FGF14: variants seen among roughly 807,000 people sequenced by gnomAD.
FGF14 encodes fibroblast growth factor 14, also known as fibroblast growth factor homologous factor 4.
In FGF14, 5 loss-of-function variants were observed where a neutral mutation model predicts 25.5. The observed-to-expected ratio is 0.20, with a 90% CI of 0.10 to 0.41. The LOEUF (loss-of-function observed/expected upper bound fraction) is 0.41, where lower values mean the gene tolerates loss of function less well. FGF14 is among the 10% of genes least tolerant of loss of function. The pLI, the probability that FGF14 is intolerant of heterozygous loss-of-function variation, is 1.00. For synonymous variants in FGF14, 138 were observed against 118.3 expected (o/e 1.17, Z -1.08); for missense variants, 222 against 320.1 (o/e 0.69, Z 2.34).
intron 1 of FGF14, among the ~76,000 whole-genome samples, chr13:102,277,564 G>A (rs923640865): frequency 1.3e-5 from 2 of 152,166 alleles, no homozygotes; most frequent in Non-Finnish European, 2.9e-5. Flanking sequence ...CAGGCAGATC[G>A]GGAGGCCAGC....
At chr13:102,040,773 G>T (rs1350664540) in intron 1 of FGF14, among the ~76,000 whole-genome samples, 4 of 152,094 alleles carry the variant, frequency 2.6e-5, no homozygotes, top group Non-Finnish European at 4.4e-5. Flanking sequence ...ATCAATTTGG[G>T]GGTACCTGGG....
intron 1 of FGF14, among the ~76,000 whole-genome samples, chr13:102,398,890 A>AAT (rs1359337159): frequency 8.3e-4 from 119 of 143,170 alleles, no homozygotes; most frequent in African/African-American, 2.9e-3. Context: ...ATATATGTAT[A>AAT]ATATATAATA....
In FGF14 at chr13:101,815,306, G is replaced by A. The variant is rs995477741; in HGVS notation, c.408+53419C>T. On this transcript the variant is annotated intron_variant, in intron 3 of 4. Coordinates refer to ENST00000376143, the MANE Select transcript of FGF14 (RefSeq NM_004115.4). Reference sequence around the variant, plus strand: ...ATGACAGGCAGAGGAGGAAAGGCATGAAAGAGGTAATGTTAAGATGAAAGG... The same window carrying A: ...ATGACAGGCAGAGGAGGAAAGGCATAAAAGAGGTAATGTTAAGATGAAAGG... Among the ~76,000 whole-genome samples the A allele has an allele frequency of 4.6e-5, 7 of 152,138 alleles. 1 individual carries two copies. The highest frequency in any genetic ancestry group is 8.8e-5 in the Non-Finnish European group (6 of 68,014).
chr13:101,989,442 C>T (rs981567195), intron 1 of FGF14, among the ~76,000 whole-genome samples: 1 of 152,018 alleles, frequency 6.6e-6, no homozygotes, highest in Non-Finnish European at 1.5e-5. Flanking sequence ...TTGTTTCCTA[C>T]ATTATAACGT....
intron 3 of FGF14, among the ~76,000 whole-genome samples, chr13:101,820,787 CACACACACACACACACACA>C (rs1471797217): frequency 4.0e-5 from 1 of 25,152 alleles, no homozygotes; most frequent in Non-Finnish European, 1.1e-4. Context: ...ACCACACACA[CACACACACACACACACACA>C]ACACACACAC....
intron 1 of FGF14, among the ~76,000 whole-genome samples, chr13:101,903,898 G>A (rs1199485862): frequency 6.6e-6 from 1 of 152,182 alleles, no homozygotes; most frequent in African/African-American, 2.4e-5. Flanking sequence ...GTGCAATTTT[G>A]TTACAGGCAT....
intron 3 of FGF14, among the ~76,000 whole-genome samples, chr13:101,855,059 C>T (rs1253450614): frequency 1.3e-5 from 2 of 152,006 alleles, no homozygotes; most frequent in East Asian, 1.9e-4. Context: ...AATGCACACA[C>T]ACACACAACA....
intron 1 of FGF14, among the ~76,000 whole-genome samples, chr13:102,013,915 G>A (rs2040208358): frequency 6.6e-6 from 1 of 152,124 alleles, no homozygotes. Context: ...TAGAGCAGAC[G>A]TCTTCCAATA....
At chr13:102,017,672 A>C (rs1410194372) in intron 1 of FGF14, among the ~76,000 whole-genome samples, 1 of 152,070 alleles carries the variant, frequency 6.6e-6, no homozygotes, top group Non-Finnish European at 1.5e-5. Flanking sequence ...AGTTCTGCAA[A>C]GTTTTCATCA....
At chr13:101,816,101 T>G (rs185216914) in intron 3 of FGF14, among the ~76,000 whole-genome samples, 1 of 151,196 alleles carries the variant, frequency 6.6e-6, no homozygotes, top group Admixed American at 6.6e-5. Flanking sequence ...AAACCCCGTT[T>G]CTACTAAAAA....
chr13:102,248,017 C>T (rs1303508035), intron 1 of FGF14, among the ~76,000 whole-genome samples: 1 of 152,072 alleles, frequency 6.6e-6, no homozygotes, highest in Middle Eastern at 3.2e-3. Context: ...CATGTTCTCA[C>T]TTAGAAGTGG....
intron 1 of FGF14, among the ~76,000 whole-genome samples, chr13:102,161,638 AAGAAGAAGAAGAAGAAGAAGAAG>A (rs2047721394): frequency 8.6e-5 from 1 of 11,584 alleles, no homozygotes; most frequent in South Asian, 5.0e-3. Flanking sequence ...GAAGAAGAAG[AAGAAGAAGAAGAAGAAGAAGAAG>A]AAGAAGAAGA....
At chr13:102,274,530 C>G (rs563586880) in intron 1 of FGF14, among the ~76,000 whole-genome samples, 3 of 152,216 alleles carry the variant, frequency 2.0e-5, no homozygotes, top group Admixed American at 1.3e-4. Flanking sequence ...CAGCAAAATG[C>G]AGGTTGCAGG....
In FGF14 at chr13:101,956,768, C is replaced by CAAAAAAAAA. The variant is rs372879439; in HGVS notation, c.209-81481_209-81473dup. Among the ~76,000 whole-genome samples, 9 of 122,548 alleles carry CAAAAAAAAA rather than the reference C, an allele frequency of 7.3e-5. 1 individual carries two copies. Among genetic ancestry groups the CAAAAAAAAA allele is most frequent in the East Asian group, 2.2e-4 (1 of 4,510 alleles). 80.4% of individuals were successfully genotyped at this position (122,548 alleles called of 152,430 possible). On this transcript the variant is annotated intron_variant, in intron 1 of 4. Transcript: ENST00000376131. ...TATCTTCAGATATTATTCACTTTAC[C>CAAAAAAAAA]AAAAAAAAAAAAAAAGAAAAAGTAA... is the stretch of plus-strand genomic sequence containing the variant.
At chr13:101,838,273 C>T (rs1401845516) in intron 3 of FGF14, among the ~76,000 whole-genome samples, 1 of 151,932 alleles carries the variant, frequency 6.6e-6, no homozygotes, top group African/African-American at 2.4e-5. Flanking sequence ...TAAAAAGTCT[C>T]ATCTGTGACC....
At chr13:102,352,222 C>T (rs1012787612) in intron 1 of FGF14, among the ~76,000 whole-genome samples, 8 of 146,354 alleles carry the variant, frequency 5.5e-5, no homozygotes, top group African/African-American at 2.0e-4. Context: ...ACCCAAACAA[C>T]CACAATATCT....
chr13:102,242,737 T>C (rs1476884727), intron 1 of FGF14, among the ~76,000 whole-genome samples: 1 of 152,054 alleles, frequency 6.6e-6, no homozygotes, highest in Non-Finnish European at 1.5e-5. Flanking sequence ...ACATGCATTA[T>C]CTCCTCTGGG....
At chr13:102,049,383 G>A (rs2042123070) in intron 1 of FGF14, among the ~76,000 whole-genome samples, 1 of 151,952 alleles carries the variant, frequency 6.6e-6, no homozygotes, top group African/African-American at 2.4e-5. Context: ...AGTGTCATTG[G>A]GCCTCACTGT....
intron 1 of FGF14, among the ~76,000 whole-genome samples, chr13:102,142,556 C>G (rs1380310557): frequency 2.0e-5 from 3 of 152,056 alleles, no homozygotes; most frequent in Non-Finnish European, 4.4e-5. Context: ...TGGAAAAGGG[C>G]CTTGTGAGAG....
Sources: allele counts gnomAD v4.1 joint callset (sites outside exome capture counted in the v4.1 genomes callset), GRCh38; gene constraint gnomAD v4.1.1; transcripts MANE v1.5; gene names NCBI Gene and HGNC (gene_info 2026-07-23, HGNC 2026-07-21).